The following TSHR variants were observed in gnomAD, a reference collection of about 807,000 sequenced individuals.
TSHR encodes the protein thyrotropin receptor.
TSHR carries 51 observed loss-of-function variants against 64.1 expected under a neutral mutation model. The observed-to-expected ratio is 0.80, with a 90% CI of 0.64 to 1.01. The LOEUF (loss-of-function observed/expected upper bound fraction) is 1.01, where lower values mean the gene tolerates loss of function less well. Among genes scored for constraint, TSHR ranks in the 50% least tolerant of loss-of-function variants. The probability of loss-of-function intolerance (pLI) is 0.00; values close to 1 mark genes in which losing one functional copy is unlikely to be tolerated. For missense variants in TSHR, 877 were observed against 942.8 expected (o/e 0.93, Z 0.91); for synonymous variants, 361 against 361.9 (o/e 1.00, Z 0.03).
chr14:80,987,836 G>T (rs892197465), intron 1 of TSHR, among the ~76,000 whole-genome samples: 3 of 152,028 alleles, frequency 2.0e-5, no homozygotes, highest in African/African-American at 7.3e-5. Flanking sequence ...TTGATACAAG[G>T]CCCTCTCAAG....
intron 1 of TSHR, among the ~76,000 whole-genome samples, chr14:80,964,871 T>C (rs563770507): frequency 6.6e-6 from 1 of 152,240 alleles, no homozygotes; most frequent in African/African-American, 2.4e-5. Flanking sequence ...TACTTGAGAC[T>C]GTCATTTCAA....
chr14:81,006,530 T>A (rs979331336), intron 1 of TSHR, among the ~76,000 whole-genome samples: 10 of 152,198 alleles, frequency 6.6e-5, no homozygotes, highest in African/African-American at 2.4e-4. Flanking sequence ...TTTTTTTTTT[T>A]TTAATCTGAG....
In TSHR at chr14:81,002,781, CTTTTTTTTTTTTTTT is replaced by C. The variant is rs1174635270; in HGVS notation, c.170+46943_170+46957del. Among the ~76,000 whole-genome samples, 5 of 44,316 alleles carry C rather than the reference CTTTTTTTTTTTTTTT, an allele frequency of 1.1e-4. 1 individual carries two copies. The highest frequency in any genetic ancestry group is 1.2e-4 in the Non-Finnish European group (3 of 25,124). 29.1% of individuals were successfully genotyped at this position (44,316 alleles called of 152,430 possible). On this transcript the variant is annotated intron_variant, in intron 1 of 9. Coordinates refer to ENST00000298171, the MANE Select transcript of TSHR (RefSeq NM_000369.5). The stretch of plus-strand genomic sequence containing the variant: ...TCTCTCATTAAGGTCCCTAATGCCT[CTTTTTTTTTTTTTTT>C]TTTTTTTTTTTATCTTTTTTTTTTT...
chr14:81,026,250 C>G (rs1441255697), intron 1 of TSHR, among the ~76,000 whole-genome samples: 1 of 152,084 alleles, frequency 6.6e-6, no homozygotes. Context: ...TAGAGCAGTA[C>G]CTGGCACAAA....
In TSHR at chr14:81,084,006, G is replaced by A. The variant is rs1231193647; in HGVS notation, c.318-3948G>A. ...GCACCCTGTGATCTAATCACCTCCC[G>A]CGAGGTCCCTCCCCCAACACGTGGG... On this transcript the variant is annotated intron_variant, in intron 3 of 9. Coordinates refer to ENST00000298171, the MANE Select transcript of TSHR (RefSeq NM_000369.5). Among the ~76,000 whole-genome samples, 15 of 152,172 alleles carry A rather than the reference G, an allele frequency of 9.9e-5. No individual in the cohort carries two copies. The East Asian group carries it at 2.3e-3, about 24-fold the overall frequency.
intron 1 of TSHR, among the ~76,000 whole-genome samples, chr14:81,010,600 C>A (rs1350668133): frequency 1.3e-5 from 2 of 152,066 alleles, no homozygotes; most frequent in Non-Finnish European, 2.9e-5. Context: ...TTGCTTAACT[C>A]TCTTGCTTTT....
At chr14:81,116,863 T>A (rs1890537325) in intron 8 of TSHR, among the ~76,000 whole-genome samples, 1 of 148,974 alleles carries the variant, frequency 6.7e-6, no homozygotes, top group Non-Finnish European at 1.5e-5. Context: ...AAACTAGAAC[T>A]CAGGATTAAG....
At chr14:81,037,419 C>CAAAAAAAAAAAA (rs748986847) in intron 1 of TSHR, among the ~76,000 whole-genome samples, 15 of 99,132 alleles carry the variant, frequency 1.5e-4, no homozygotes, top group Admixed American at 2.6e-4. Flanking sequence ...AAAGGAAATA[C>CAAAAAAAAAAAA]AAAACAAACA....
At chr14:81,131,212 C>T (rs1287507905) in intron 8 of TSHR, among the ~76,000 whole-genome samples, 1 of 152,152 alleles carries the variant, frequency 6.6e-6, no homozygotes. Flanking sequence ...CTCTTTCTCA[C>T]ATACCCCATA....
chr14:81,104,369 T>C, intron 7 of TSHR: 1 of 985,346 alleles, frequency 1.0e-6, no homozygotes. Flanking sequence ...AAGTTCCCCA[T>C]AAAGGGACTG....
At position 81,143,780 on chromosome 14, in the gene TSHR, C is replaced by T. The variant is rs369247508; in HGVS notation, c.1722C>T (p.Thr574=). 1.2e-5 allele frequency: 19 copies of T among 1,613,926 alleles called. No homozygotes were observed. Among genetic ancestry groups the T allele is most frequent in the Non-Finnish European group, 1.6e-5 (19 of 1,180,040 alleles). ...TCAGTATCTGCCTGCCCATGGACAC[C>T]GAGACCCCTCTTGCTCTGGCATATA... ...AKVSICLPMD[T]ETPLALAYIV... Residue 574 remains threonine (T), a synonymous_variant, in exon 10 of 10, where the codon ACC becomes ACT. Coordinates refer to ENST00000298171, the MANE Select transcript of TSHR (RefSeq NM_000369.5).
chr14:81,040,092 A>G (rs1290173746), intron 1 of TSHR, among the ~76,000 whole-genome samples: 1 of 152,090 alleles, frequency 6.6e-6, no homozygotes, highest in Non-Finnish European at 1.5e-5. Flanking sequence ...TAACCAAAAC[A>G]GCATGGTACT....
intron 6 of TSHR, chr14:81,094,435 T>C (rs563054284): frequency 6.6e-6 from 1 of 152,272 alleles, no homozygotes; most frequent in African/African-American, 2.4e-5. Flanking sequence ...AGTTCTAGTT[T>C]AGAAAAAATT....
At chr14:81,047,795 C>T (rs958535330) in intron 1 of TSHR, among the ~76,000 whole-genome samples, 5 of 151,822 alleles carry the variant, frequency 3.3e-5, no homozygotes, top group Non-Finnish European at 4.4e-5. Flanking sequence ...TACAGGTGCC[C>T]ACCACCATGC....
intron 1 of TSHR, among the ~76,000 whole-genome samples, chr14:81,017,875 G>C (rs550207543): frequency 1.3e-5 from 2 of 150,304 alleles, no homozygotes; most frequent in Non-Finnish European, 3.0e-5. Context: ...TGTCGCCCAG[G>C]CTGGAGTACA....
At chr14:81,049,077 A>G (rs1167909883) in intron 1 of TSHR, among the ~76,000 whole-genome samples, 1 of 152,214 alleles carries the variant, frequency 6.6e-6, no homozygotes, top group Non-Finnish European at 1.5e-5. Flanking sequence ...GTTTCCAAGA[A>G]CCTAACCAGG....
rs773623841 is a variant in TSHR at position 81,143,629 on chromosome 14, C to T, written c.1571C>T (p.Thr524Ile). 6.2e-7 allele frequency: 1 copy of T among 1,614,050 alleles called. No individual in the cohort carries two copies. The highest frequency in any genetic ancestry group is 8.5e-7 in the Non-Finnish European group (1 of 1,180,032). Residue 524 changes from threonine (T) to isoleucine (I), a missense_variant, in exon 10 of 10, where the codon ACC becomes ATC. Coordinates refer to ENST00000298171, the MANE Select transcript of TSHR (RefSeq NM_000369.5). ...VITLERWYAI[T>I]FAMRLDRKIR... ...ACCCTGGAGCGCTGGTATGCCATCA[C>T]CTTCGCCATGCGCCTGGACCGGAAG...
At chr14:81,057,478 A>C (rs1466852708) in intron 1 of TSHR, among the ~76,000 whole-genome samples, 3 of 152,212 alleles carry the variant, frequency 2.0e-5, no homozygotes, top group Admixed American at 1.3e-4. Flanking sequence ...CAAGTGATAA[A>C]TGTCACATTA....
chr14:81,041,400 T>C (rs952233478), intron 1 of TSHR, among the ~76,000 whole-genome samples: 8 of 152,212 alleles, frequency 5.3e-5, no homozygotes, highest in African/African-American at 1.9e-4. Flanking sequence ...CAATTATCCT[T>C]AGCAAACAAA....
Sources: gnomAD v4.1 joint callset for allele counts (sites outside exome capture counted in the v4.1 genomes callset) on GRCh38, gnomAD v4.1.1 for gene constraint, MANE v1.5 for transcripts, NCBI Gene and HGNC (gene_info 2026-07-23, HGNC 2026-07-21) for gene names.